LRPPRC: variants seen among roughly 807,000 people sequenced by gnomAD.
LRPPRC encodes leucine-rich PPR motif-containing protein, mitochondrial.
A neutral mutation model predicts 180.3 loss-of-function variants in LRPPRC; 120 were observed. The ratio of observed to expected loss-of-function variants is 0.67; its 90% confidence interval spans 0.57 to 0.77. The LOEUF is 0.77. Among genes scored for constraint, LRPPRC ranks in the 30% least tolerant of loss-of-function variants. LRPPRC has a pLI of 0.00. For missense variants in LRPPRC, 2,012 were observed against 1,657.2 expected (o/e 1.21, Z -3.72); for synonymous variants, 723 against 600.0 (o/e 1.21, Z -3.00).
chr2:43,932,123 CAAAAAAAAAAAAAAAAAA>C (rs746600862), intron 25 of LRPPRC, among the ~76,000 whole-genome samples: 3 of 20,846 alleles, frequency 1.4e-4, no homozygotes, highest in African/African-American at 5.7e-4. Flanking sequence ...GACCCTGTCT[CAAAAAAAAAAAAAAAAAA>C]AAAAAAAAAA....
chr2:43,934,954 T>C, intron 23 of LRPPRC, 76 bp from the exon 24 acceptor site: 9 of 1,211,742 alleles, frequency 7.4e-6, no homozygotes, highest in Non-Finnish European at 1.1e-5. Context: ...TTTAGAGAGA[T>C]GTTTAATGAC....
chr2:43,934,730 T>G (rs1437531295), intron 24 of LRPPRC, 24 bp downstream of exon 24: 1 of 1,609,750 alleles, frequency 6.2e-7, no homozygotes. Context: ...AAAAACTACA[T>G]TAAGATACTA....
chr2:43,986,184 A>G (rs1196779494), intron 1 of LRPPRC, among the ~76,000 whole-genome samples: 1 of 152,164 alleles, frequency 6.6e-6, no homozygotes, highest in Non-Finnish European at 1.5e-5. Context: ...AGACTGGAGT[A>G]CAATGGCGCG....
At chr2:43,930,654 G>GT (rs1672055990) in intron 25 of LRPPRC, among the ~76,000 whole-genome samples, 1 of 151,956 alleles carries the variant, frequency 6.6e-6, no homozygotes, top group Non-Finnish European at 1.5e-5. Context: ...ACCTACTTTG[G>GT]TTTTCAGATG....
chr2:43,959,863 G>A (rs1673267858), intron 13 of LRPPRC, among the ~76,000 whole-genome samples: 1 of 152,304 alleles, frequency 6.6e-6, no homozygotes, highest in East Asian at 1.9e-4. Context: ...CAGCCTAGGT[G>A]ACAGAGTGAG....
At chr2:43,975,509 T>C (rs1044847548) in intron 6 of LRPPRC, among the ~76,000 whole-genome samples, 16 of 152,148 alleles carry the variant, frequency 1.1e-4, no homozygotes, top group African/African-American at 3.6e-4. Context: ...AAGAATAACA[T>C]TTAGTAAATT....
At chr2:43,926,508 C>T (rs1434943313) in intron 25 of LRPPRC, among the ~76,000 whole-genome samples, 1 of 152,086 alleles carries the variant, frequency 6.6e-6, no homozygotes, top group Non-Finnish European at 1.5e-5. Flanking sequence ...GTTAGGATTA[C>T]AGGTGTGTGC....
At chr2:43,917,987 A>ACCCC in intron 29 of LRPPRC, 38 bp downstream of exon 29, 1 of 950,930 alleles carries the variant, frequency 1.1e-6, no homozygotes, top group Non-Finnish European at 1.7e-6. Context: ...AAAGAAGACC[A>ACCCC]CCCCCCCACA....
At chr2:43,890,087 A>G (rs528021086) in intron 36 of LRPPRC, 1 of 600,394 alleles carries the variant, frequency 1.7e-6, no homozygotes, top group Non-Finnish European at 3.0e-6. Context: ...AAGGAGAAGA[A>G]AATGACAAAT....
chr2:43,892,165 A>G lies in LRPPRC; in HGVS notation c.3986-2289T>C, dbSNP rs2104974877. 1.3e-5 allele frequency among the ~76,000 whole-genome samples: 2 copies of G among 152,382 alleles called. 1 individual carries two copies. The highest frequency in any genetic ancestry group is 4.1e-4 in the South Asian group (2 of 4,828). On this transcript the variant is annotated intron_variant, in intron 36 of 37. Coordinates refer to ENST00000260665, the MANE Select transcript of LRPPRC (RefSeq NM_133259.4). ...CTACGGCAGGTTATCCAGAAAATCTAGCTAAGACCACTGATGAAGGCGGCT... is the reference window on the plus strand; with the variant it reads ...CTACGGCAGGTTATCCAGAAAATCTGGCTAAGACCACTGATGAAGGCGGCT...
chr2:43,948,877 T>C (rs1241038416), intron 16 of LRPPRC, among the ~76,000 whole-genome samples: 2 of 151,952 alleles, frequency 1.3e-5, no homozygotes, highest in East Asian at 3.8e-4. Flanking sequence ...CACATTTCTA[T>C]ACTGTTTTTT....
At position 43,920,301 on chromosome 2, in the gene LRPPRC, A is replaced by G. The variant is rs577831445; in HGVS notation, c.2897-1903T>C. ...CAGGTGCGCGCCAGCACACCCCACT[A>G]ATTTTTGTATTTTTAGTAGAGACAG... On this transcript the variant is annotated intron_variant, in intron 27 of 37. Transcript: ENST00000260665. 3.3e-5 allele frequency among the ~76,000 whole-genome samples: 5 copies of G among 151,998 alleles called. No homozygotes were observed. The South Asian group carries it at 1.0e-3, about 32-fold the overall frequency.
chr2:43,898,903 T>C (rs1670788655), intron 34 of LRPPRC, among the ~76,000 whole-genome samples: 1 of 152,222 alleles, frequency 6.6e-6, no homozygotes, highest in South Asian at 2.1e-4. Flanking sequence ...TTGCATTATC[T>C]ATCTGCACAG....
At chr2:43,920,880 G>A (rs973789022) in intron 27 of LRPPRC, among the ~76,000 whole-genome samples, 1 of 152,060 alleles carries the variant, frequency 6.6e-6, no homozygotes, top group Non-Finnish European at 1.5e-5. Context: ...CTACAACTCC[G>A]TGCCTTTAGG....
In LRPPRC at chr2:43,889,412, T is replaced by C. The variant is rs1670400543; in HGVS notation, c.4128+322A>G. 2.0e-5 allele frequency among the ~76,000 whole-genome samples: 3 copies of C among 150,062 alleles called. No homozygotes were observed. The South Asian group carries it at 6.2e-4, about 31-fold the overall frequency. The stretch of plus-strand genomic sequence containing the variant: ...ACAAGTAATTACCACTGACATAATA[T>C]GCTTGGCTGTTGAACTACAGGCCAT... On this transcript the variant is annotated intron_variant, in intron 37 of 37. Coordinates refer to ENST00000260665, the MANE Select transcript of LRPPRC (RefSeq NM_133259.4).
Position 43,934,812 on chromosome 2 carries a change from C to T in LRPPRC, c.2571G>A (p.Arg857=), listed in dbSNP as rs1401531827. The T allele has an allele frequency of 6.2e-7, 1 of 1,611,338 alleles. No individual in the cohort carries two copies. The highest frequency in any genetic ancestry group is 1.3e-5 in the African/African-American group (1 of 74,840). Residue 857 remains arginine, a synonymous_variant, in exon 24 of 38, where the codon AGG becomes AGA. Coordinates refer to ENST00000260665, the MANE Select transcript of LRPPRC (RefSeq NM_133259.4). ...CCAGTTTACACAAGACATCATGAAT[C>T]CTTGGTAATACTTTATACTTTTCAT... ...DCYEKYKVLP[R]IHDVLCKLVE...
chr2:43,904,703 A>C (rs1284617824), intron 31 of LRPPRC: 7 of 96,322 alleles, frequency 7.3e-5, no homozygotes, highest in Non-Finnish European at 1.5e-4. Context: ...AAAAAAAACA[A>C]AAACAAAAAA....
chr2:43,959,172 G>T, intron 13 of LRPPRC: 1 of 715,722 alleles, frequency 1.4e-6, no homozygotes. Context: ...CGTGAGCCCA[G>T]ATTCCTCTGC....
intron 30 of LRPPRC, among the ~76,000 whole-genome samples, chr2:43,910,055 T>A (rs2105008859): frequency 1.3e-5 from 2 of 152,316 alleles, no homozygotes; most frequent in South Asian, 4.1e-4. Flanking sequence ...GGAAATACTT[T>A]GAAATAGTCT....
Sources: gnomAD v4.1 joint callset for allele counts (sites outside exome capture counted in the v4.1 genomes callset) on GRCh38, gnomAD v4.1.1 for gene constraint, MANE v1.5 for transcripts, NCBI Gene and HGNC (gene_info 2026-07-23, HGNC 2026-07-21) for gene names.